Variants in CORO2B observed in about 807,000 individuals in gnomAD.
CORO2B encodes coronin-2B.
In CORO2B, 26 loss-of-function variants were observed where a neutral mutation model predicts 58.8. That is an observed-to-expected ratio of 0.44 (90% CI 0.32 to 0.61). The LOEUF (loss-of-function observed/expected upper bound fraction) is 0.61. Ranked by LOEUF, CORO2B falls within the 20% of genes least tolerant of loss-of-function variation. CORO2B has a pLI of 0.04. For synonymous variants in CORO2B, 242 were observed against 253.8 expected, an observed-to-expected ratio of 0.95 and a Z score of 0.44; for missense variants, 460 against 645.1, an observed-to-expected ratio of 0.71 and a Z score of 3.11.
intron 2 of CORO2B, among the ~76,000 whole-genome samples, chr15:68,678,849 G>A (rs115997609): frequency 2.9e-3 from 439 of 152,292 alleles, no homozygotes; most frequent in African/African-American, 1.0e-2. Context: ...TGCTCAGATA[G>A]GGAAGAACTA....
chr15:68,723,579 G>A (rs544179522), intron 11 of CORO2B, among the ~76,000 whole-genome samples: 34 of 151,738 alleles, frequency 2.2e-4, no homozygotes, highest in Admixed American at 2.6e-4. Context: ...TCAGCCTCCC[G>A]AGTAGCTGGG....
At chr15:68,559,244 G>A in the CORO2B span, among the ~76,000 whole-genome samples, 1 of 152,016 alleles carries the variant, frequency 6.6e-6, no homozygotes, top group South Asian at 2.1e-4. This position sits in a 1 kb window ranked among gnomAD's most constrained non-coding sequence, Gnocchi z 4.3. Context: ...GCTTTGTTTT[G>A]CAAAGAGCAT....
intron 2 of CORO2B, among the ~76,000 whole-genome samples, chr15:68,659,651 C>T (rs1465946460): frequency 2.6e-5 from 4 of 151,864 alleles, no homozygotes; most frequent in Admixed American, 1.3e-4. Context: ...AGTCTATCCT[C>T]GGCCAGACAT....
At chr15:68,681,070 G>A (rs565156550) in intron 2 of CORO2B, among the ~76,000 whole-genome samples, 3 of 152,218 alleles carry the variant, frequency 2.0e-5, no homozygotes, top group Admixed American at 6.5e-5. Flanking sequence ...AAAATTAGCC[G>A]GGCATGATGG....
At chr15:68,660,909 A>G (rs1022729498) in intron 2 of CORO2B, among the ~76,000 whole-genome samples, 9 of 151,786 alleles carry the variant, frequency 5.9e-5, no homozygotes, top group African/African-American at 1.7e-4. Context: ...TGTTCTCTCT[A>G]TAGAGGTTCT....
rs534456965 is a variant in CORO2B, at chr15:68,599,744, G to C, written c.15+20467G>C. 1.9e-3 allele frequency among the ~76,000 whole-genome samples: 287 copies of C among 152,234 alleles called. 1 individual carries two copies. The highest frequency in any genetic ancestry group is 3.5e-3 in the Non-Finnish European group (239 of 68,014). On this transcript the variant is annotated intron_variant, in intron 1 of 11. Transcript: ENST00000261861. ...CATGACAGTAGTGTGCCCTCCCCAG[G>C]CTCTCCCCTCCCCTGGGAGGCTGCC...
At chr15:68,590,394 G>A (rs558439206) in intron 1 of CORO2B, among the ~76,000 whole-genome samples, 1 of 152,086 alleles carries the variant, frequency 6.6e-6, no homozygotes, top group Non-Finnish European at 1.5e-5. Flanking sequence ...GTTCTCTCAG[G>A]TACCCCCATA....
At chr15:68,532,300 G>T in the CORO2B span, among the ~76,000 whole-genome samples, 24 of 151,894 alleles carry the variant, frequency 1.6e-4, no homozygotes, top group African/African-American at 1.9e-4. Flanking sequence ...AGACTGTTTG[G>T]TGCTGCCCCA....
At chr15:68,538,514 C>T in the CORO2B span, among the ~76,000 whole-genome samples, 2 of 152,190 alleles carry the variant, frequency 1.3e-5, no homozygotes, top group Non-Finnish European at 2.9e-5. Flanking sequence ...CCCTGGCATC[C>T]ACTACTGGAG....
At chr15:68,699,397 G>T (rs1458930016) in intron 3 of CORO2B, among the ~76,000 whole-genome samples, 1 of 152,062 alleles carries the variant, frequency 6.6e-6, no homozygotes, top group Admixed American at 6.6e-5. Flanking sequence ...GATTTATGGA[G>T]GACATGGGGC....
intron 2 of CORO2B, among the ~76,000 whole-genome samples, chr15:68,647,176 A>G (rs1901460742): frequency 6.6e-6 from 1 of 152,236 alleles, no homozygotes; most frequent in Admixed American, 6.5e-5. Context: ...GTTTAAAATC[A>G]TGCAATGAAG....
the CORO2B span, among the ~76,000 whole-genome samples, chr15:68,539,090 A>C: frequency 6.6e-6 from 1 of 152,262 alleles, no homozygotes; most frequent in African/African-American, 2.4e-5. Flanking sequence ...TTCTAGAGGC[A>C]TAGGAGACAG....
At chr15:68,691,977 G>T (rs1892389722) in intron 2 of CORO2B, among the ~76,000 whole-genome samples, 1 of 152,214 alleles carries the variant, frequency 6.6e-6, no homozygotes, top group African/African-American at 2.4e-5. Flanking sequence ...CGATCAGATG[G>T]AAGGAATGAC....
At chr15:68,616,755 T>TG (rs1367462577) in intron 1 of CORO2B, 2 of 332,784 alleles carry the variant, frequency 6.0e-6, no homozygotes, top group Non-Finnish European at 8.6e-6. Flanking sequence ...CGTGGTCTCA[T>TG]GGGGGAGACA....
At chr15:68,653,860 G>GA (rs35931709) in intron 2 of CORO2B, among the ~76,000 whole-genome samples, 11 of 147,284 alleles carry the variant, frequency 7.5e-5, no homozygotes, top group African/African-American at 2.7e-4. Context: ...TCTCCCCCAG[G>GA]AAAAAAAAAA....
chr15:68,580,347 G>A (rs939694918), intron 1 of CORO2B, among the ~76,000 whole-genome samples: 3 of 151,586 alleles, frequency 2.0e-5, no homozygotes, highest in East Asian at 2.0e-4. Flanking sequence ...GGAGGCCAAA[G>A]TGGGACCGGC....
chr15:68,617,954 G>A (rs1900409336), intron 1 of CORO2B, among the ~76,000 whole-genome samples: 1 of 152,152 alleles, frequency 6.6e-6, no homozygotes. Context: ...ATTCACTTCA[G>A]TAAATATTTA....
rs1892883114 is a variant in CORO2B, at chr15:68,710,297, G to A, written c.334-435G>A. Reference sequence around the variant, plus strand: ...CCATCCTGGGTGGGGGACACAGTGGGGGATAAGGCCCTGCAGTCCAAACAG... The same window carrying A: ...CCATCCTGGGTGGGGGACACAGTGGAGGATAAGGCCCTGCAGTCCAAACAG... On this transcript the variant is annotated intron_variant, in intron 3 of 11. Coordinates refer to ENST00000261861, the MANE Select transcript of CORO2B (RefSeq NM_006091.5). The surrounding 1 kb of genome is among the most constrained non-coding windows in gnomAD (Gnocchi z 4.1). Among the ~76,000 whole-genome samples the A allele has an allele frequency of 6.6e-6, 1 of 152,200 alleles. No individual in the cohort carries two copies. Among genetic ancestry groups the A allele is most frequent in the African/African-American group, 2.4e-5 (1 of 41,444 alleles).
At chr15:68,595,911 G>A (rs1401295197) in intron 1 of CORO2B, among the ~76,000 whole-genome samples, 3 of 152,146 alleles carry the variant, frequency 2.0e-5, no homozygotes, top group Non-Finnish European at 4.4e-5. Context: ...GTTGGAGTGT[G>A]GCTCTGAACC....
Sources: allele counts gnomAD v4.1 joint callset (sites outside exome capture counted in the v4.1 genomes callset), GRCh38; gene constraint gnomAD v4.1.1; non-coding constraint Gnocchi (gnomAD v3.1); transcripts MANE v1.5; gene names NCBI Gene and HGNC (gene_info 2026-07-23, HGNC 2026-07-21).